Variants in RYR3 observed in about 807,000 individuals in gnomAD.
RYR3 encodes brain ryanodine receptor-calcium release channel.
In RYR3, 207 loss-of-function variants were observed where a neutral mutation model predicts 584.3. That is an observed-to-expected ratio of 0.35 (90% CI 0.32 to 0.40). The LOEUF is 0.40. Ranked by LOEUF, RYR3 falls within the 10% of genes least tolerant of loss-of-function variation. The probability of loss-of-function intolerance (pLI) is 1.00; values close to 1 mark genes in which losing one functional copy is unlikely to be tolerated. For missense variants in RYR3, 5,616 were observed against 6,089.2 expected (o/e 0.92, Z 2.59); for synonymous variants, 2,416 against 2,248.5 (o/e 1.07, Z -2.11).
Position 33,821,318 on chromosome 15 carries a change from C to A in RYR3, c.10864C>A (p.His3622Asn), listed in dbSNP as rs1449078972. 12 of 1,604,564 alleles carry A rather than the reference C, an allele frequency of 7.5e-6. No individual in the cohort carries two copies. Among genetic ancestry groups the A allele is most frequent in the Non-Finnish European group, 1.0e-5 (12 of 1,175,718 alleles). ...QKTLYQQARL[H>N]ERGAAEMVLQ... ...AACCCTCTATCAGCAAGCTCGGCTG[C>A]ATGAGCGTGGTGCTGCAGAGATGGT... Residue 3622 changes from histidine (H) to asparagine (N), a missense_variant, in exon 79 of 104, where the codon CAT (histidine) becomes AAT (asparagine). This residue lies in a region of RYR3 where 954 missense variants were observed against 1,132.2 expected (regional missense o/e 0.84). Coordinates refer to ENST00000634891, the MANE Select transcript of RYR3 (RefSeq NM_001036.6).
chr15:33,862,117 C>T (rs1303785629), intron 102 of RYR3, among the ~76,000 whole-genome samples: 4 of 152,058 alleles, frequency 2.6e-5, no homozygotes, highest in Non-Finnish European at 4.4e-5. Flanking sequence ...AACTCAGACC[C>T]TGTAACTGTT....
At chr15:33,711,272 C>G (rs1421245626) in intron 43 of RYR3, among the ~76,000 whole-genome samples, 1 of 109,974 alleles carries the variant, frequency 9.1e-6, no homozygotes, top group Non-Finnish European at 1.7e-5. Flanking sequence ...GAGACTGAGT[C>G]TCGTTCTGTC....
chr15:33,845,775 C>A (rs1225824696), intron 93 of RYR3, among the ~76,000 whole-genome samples: 2 of 152,188 alleles, frequency 1.3e-5, no homozygotes, highest in East Asian at 3.8e-4. Context: ...AATACCTTTT[C>A]ATTAGGTGGT....
At chr15:33,647,087 C>G (rs1194263158) in intron 29 of RYR3, among the ~76,000 whole-genome samples, 1 of 152,170 alleles carries the variant, frequency 6.6e-6, no homozygotes, top group East Asian at 1.9e-4. Context: ...GTTTTGCTTT[C>G]TACCAAGCTT....
chr15:33,452,299 G>A (rs2047197123), intron 1 of RYR3, among the ~76,000 whole-genome samples: 1 of 152,152 alleles, frequency 6.6e-6, no homozygotes, highest in Non-Finnish European at 1.5e-5. Flanking sequence ...ACTTTCCAAA[G>A]CAGGACTGAT....
At chr15:33,789,986 CTTTTTTTT>C (rs757370991) in intron 67 of RYR3, among the ~76,000 whole-genome samples, 1 of 53,250 alleles carries the variant, frequency 1.9e-5, no homozygotes, top group African/African-American at 1.1e-4. Flanking sequence ...GCCTGGCCTT[CTTTTTTTT>C]TTTTTTTTTT....
At chr15:33,533,240 C>G in intron 4 of RYR3, 71 bp from the exon 5 acceptor site, 1 of 1,021,542 alleles carries the variant, frequency 9.8e-7, no homozygotes, top group East Asian at 2.6e-5. Flanking sequence ...TAACTAGAAG[C>G]TAACTAGTGG....
At chr15:33,780,682 C>G (rs568152108) in intron 65 of RYR3, among the ~76,000 whole-genome samples, 105 of 152,242 alleles carry the variant, frequency 6.9e-4, no homozygotes, top group Non-Finnish European at 1.1e-3. Context: ...TTTGCAGTGC[C>G]TCTCCAGAGT....
Position 33,757,508 on chromosome 15 carries a change from A to G in RYR3, c.8617A>G (p.Ser2873Gly). The part of the protein sequence containing the change: ...LLPLVDQYFT[S>G]HCLYFLSSPL... Reference sequence around the variant, plus strand: ...CCCGCTGGTTGACCAGTACTTCACCAGTCATTGCCTCTACTTCTTGTCATC... The same window carrying G: ...CCCGCTGGTTGACCAGTACTTCACCGGTCATTGCCTCTACTTCTTGTCATC... The change falls in exon 60 of 104, where the codon AGT becomes GGT. Residue 2873 changes from serine to glycine, a missense_variant. Around this residue, in one of 9 missense-constraint regions of RYR3, gnomAD observed 1,280 missense variants for 1,426.2 expected, o/e 0.90. Transcript: ENST00000634891. 3 of 1,609,924 alleles carry G rather than the reference A, an allele frequency of 1.9e-6. No individual in the cohort carries two copies. The highest frequency in any genetic ancestry group is 2.5e-6 in the Non-Finnish European group (3 of 1,178,408).
At chr15:33,547,761 A>G (rs1171341216) in intron 8 of RYR3, among the ~76,000 whole-genome samples, 1 of 152,240 alleles carries the variant, frequency 6.6e-6, no homozygotes, top group Admixed American at 6.5e-5. Flanking sequence ...ATAAAACTAC[A>G]TCAGGGAGCT....
Position 33,725,973 on chromosome 15 carries a change from C to G in RYR3, c.6913-413C>G, listed in dbSNP as rs867125121. Among the ~76,000 whole-genome samples the G allele has an allele frequency of 1.0e-3, 23 of 23,078 alleles. No individual in the cohort carries two copies. The East Asian group carries it at 0.027, about 27-fold the overall frequency. The allele number at this position is 23,078 out of a possible 152,430, so 15.1% of individuals were successfully genotyped here. On this transcript the variant is annotated intron_variant, in intron 45 of 103. Transcript: ENST00000634891. ...TGACAGAGCAAGACTCCATCCCCCC[C>G]CCCAAAAAAAAAAAAAAAAAAAAAC...
intron 1 of RYR3, among the ~76,000 whole-genome samples, chr15:33,331,825 A>G (rs1970408239): frequency 1.3e-5 from 2 of 152,080 alleles, no homozygotes; most frequent in African/African-American, 4.8e-5. Context: ...CAGTAACAAT[A>G]TGTGTAAGTT....
At chr15:33,441,923 T>C (rs2046262280) in intron 1 of RYR3, among the ~76,000 whole-genome samples, 1 of 152,194 alleles carries the variant, frequency 6.6e-6, no homozygotes, top group Non-Finnish European at 1.5e-5. Flanking sequence ...AACACTTTCA[T>C]TGTAATTTTT....
chr15:33,502,305 T>A (rs1348609721), intron 2 of RYR3, among the ~76,000 whole-genome samples: 3 of 152,222 alleles, frequency 2.0e-5, no homozygotes, highest in Admixed American at 2.0e-4. Flanking sequence ...TTATTTTTAT[T>A]TTAAAACTAA....
At chr15:33,387,208 T>C (rs1315966607) in intron 1 of RYR3, among the ~76,000 whole-genome samples, 2 of 152,226 alleles carry the variant, frequency 1.3e-5, no homozygotes, top group Non-Finnish European at 2.9e-5. Context: ...GTATATACTA[T>C]GTTTTGTTTA....
chr15:33,660,861 A>G (rs2063121114), intron 34 of RYR3, among the ~76,000 whole-genome samples: 1 of 152,158 alleles, frequency 6.6e-6, no homozygotes, highest in Non-Finnish European at 1.5e-5. Flanking sequence ...CCTTGGGTAC[A>G]TTACTTATGT....
intron 70 of RYR3, among the ~76,000 whole-genome samples, chr15:33,807,976 C>G (rs542846778): frequency 6.6e-6 from 1 of 152,308 alleles, no homozygotes; most frequent in East Asian, 1.9e-4. Flanking sequence ...CTGTAGGTGT[C>G]CTGCATCCTG....
At chr15:33,628,057 A>G (rs1171302792) in intron 20 of RYR3, among the ~76,000 whole-genome samples, 1 of 152,198 alleles carries the variant, frequency 6.6e-6, no homozygotes. Context: ...GCTTTGGGTA[A>G]CATATTGAGC....
At chr15:33,344,892 A>C (rs573716632) in intron 1 of RYR3, among the ~76,000 whole-genome samples, 10 of 152,352 alleles carry the variant, frequency 6.6e-5, no homozygotes, top group African/African-American at 2.4e-4. Context: ...ACAGAGGGTT[A>C]GCAGAAGTTC....
Sources: allele counts gnomAD v4.1 joint callset (sites outside exome capture counted in the v4.1 genomes callset), GRCh38; gene constraint gnomAD v4.1.1; regional missense constraint gnomAD v4.1.1; transcripts MANE v1.5; gene names NCBI Gene and HGNC (gene_info 2026-07-23, HGNC 2026-07-21).